Variants in PDE6B observed in about 807,000 individuals in gnomAD.
The protein encoded by PDE6B is phosphodiesterase 6B.
PDE6B carries 106 observed loss-of-function variants against 109.0 expected under a neutral mutation model. The observed-to-expected ratio is 0.97, with a 90% CI of 0.83 to 1.14. The LOEUF (loss-of-function observed/expected upper bound fraction) is 1.14. PDE6B is among the 50% of genes most tolerant of loss of function. The pLI, the probability that PDE6B is intolerant of heterozygous loss-of-function variation, is 0.00. For missense variants in PDE6B, 1,193 were observed against 1,155.6 expected (o/e 1.03, Z -0.47); for synonymous variants, 490 against 471.3 (o/e 1.04, Z -0.51).
chr4:664,813 A>T (rs761600023), intron 17 of PDE6B, 68 bp from the exon 18 acceptor site: 1 of 1,246,254 alleles, frequency 8.0e-7, no homozygotes. Context: ...CTCAAAAAAG[A>T]AAACACATAT....
In PDE6B at chr4:636,657, C is replaced by T. The variant is rs755452182; in HGVS notation, c.711+688C>T. On this transcript the variant is annotated intron_variant, in intron 3 of 21. Transcript: ENST00000496514. The surrounding 1 kb of genome is among the most constrained non-coding windows in gnomAD (Gnocchi z 4.5). ...GAGCCACAAAGGAGAACTGTGAAGA[C>T]GGCGGTCACCTCCTGCCTTCTCCGT... 6.6e-5 allele frequency among the ~76,000 whole-genome samples: 10 copies of T among 152,150 alleles called. No homozygotes were observed. The highest frequency in any genetic ancestry group is 9.7e-5 in the African/African-American group (4 of 41,438).
Position 626,235 on chromosome 4 carries a change from G to A in PDE6B, c.468+141G>A, listed in dbSNP as rs906729432. 8.0e-6 allele frequency: 5 copies of A among 627,896 alleles called. No individual in the cohort carries two copies. Among genetic ancestry groups the A allele is most frequent in the Admixed American group, 2.7e-5 (1 of 36,436 alleles). The allele number at this position is 627,896 out of a possible 1,614,324, so 38.9% of individuals were successfully genotyped here. On this transcript the variant is annotated intron_variant, in intron 1 of 21. Transcript: ENST00000496514. The surrounding 1 kb of genome is among the most constrained non-coding windows in gnomAD (Gnocchi z 4.6). ...AGGCTAGTTCTGTGCTGAGGAGCAA[G>A]TACCTAGAGCCCCCTCCCGGCACTG...
intron 17 of PDE6B, 59 bp downstream of exon 17, chr4:664,280 A>G: frequency 1.0e-6 from 1 of 953,754 alleles, no homozygotes; most frequent in Non-Finnish European, 1.7e-6. Flanking sequence ...GGGCCCACTC[A>G]CCAGCTGGTT....
At chr4:634,639 GC>G (rs1177805210) in intron 1 of PDE6B, 37 bp from the exon 2 acceptor site, 1 of 1,582,554 alleles carries the variant, frequency 6.3e-7, no homozygotes, top group South Asian at 1.1e-5. Context: ...GGCCCACGGT[GC>G]GACAGCCTCT....
rs1560137398 is a variant in PDE6B at position 665,187 on chromosome 4, C to CGGGGCG, written c.2194-65_2194-60dup. 6 of 1,189,866 alleles carry CGGGGCG rather than the reference C, an allele frequency of 5.0e-6. No individual in the cohort carries two copies. The highest frequency in any genetic ancestry group is 1.3e-5 in the South Asian group (1 of 78,474). The allele number at this position is 1,189,866 out of a possible 1,614,324, so 73.7% of individuals were successfully genotyped here. ...GAGAAGACCGAGGCTCGGAGCCTCA[C>CGGGGCG]GGGGCGGGCCCGGGCCCTTCCGCGT... On this transcript the variant is annotated intron_variant, in intron 18 of 21. Coordinates refer to ENST00000496514, the MANE Select transcript of PDE6B (RefSeq NM_000283.4). This position sits in a 1 kb window ranked among gnomAD's most constrained non-coding sequence, Gnocchi z 4.0.
chr4:657,284 C>A, intron 9 of PDE6B, 67 bp from the exon 10 acceptor site: 1 of 1,582,258 alleles, frequency 6.3e-7, no homozygotes, highest in Non-Finnish European at 8.7e-7. Context: ...CGGGGCCTGG[C>A]ACACAGGCAC....
chr4:669,716 C>G (rs1248929365), intron 21 of PDE6B, among the ~76,000 whole-genome samples: 3 of 137,482 alleles, frequency 2.2e-5, no homozygotes, highest in Non-Finnish European at 4.6e-5. Flanking sequence ...CATGCTATTC[C>G]CGCTACCCCA....
chr4:653,092 A>C (rs1212810810), intron 3 of PDE6B: 4 of 791,134 alleles, frequency 5.1e-6, no homozygotes, highest in Middle Eastern at 6.4e-4. Context: ...TGGCAACAGG[A>C]GAGCCTGGTC....
rs576895229 is a variant in PDE6B at position 664,949 on chromosome 4, G to C, written c.2193+5G>C. On this transcript the variant is annotated splice_donor_5th_base_variant and intron_variant, in intron 18 of 21. Coordinates refer to ENST00000496514, the MANE Select transcript of PDE6B (RefSeq NM_000283.4). ...CCCTGGGAAGTCCAGAGCAAGGTTAGAACAGAGGGCCCTCCAGACCCAGAG... is the reference window on the plus strand; with the variant it reads ...CCCTGGGAAGTCCAGAGCAAGGTTACAACAGAGGGCCCTCCAGACCCAGAG... 6.2e-7 allele frequency: 1 copy of C among 1,609,578 alleles called. No individual in the cohort carries two copies. The highest frequency in any genetic ancestry group is 8.5e-7 in the Non-Finnish European group (1 of 1,176,804).
intron 17 of PDE6B, 32 bp downstream of exon 17, chr4:664,253 C>A (rs769346307): frequency 1.6e-6 from 2 of 1,219,996 alleles, no homozygotes; most frequent in Non-Finnish European, 2.4e-6. Context: ...ACGAGGGGTC[C>A]TTCCCTCGCA....
intron 3 of PDE6B, among the ~76,000 whole-genome samples, chr4:642,461 A>G (rs530167260): frequency 6.6e-6 from 1 of 151,310 alleles, no homozygotes; most frequent in East Asian, 1.9e-4. Flanking sequence ...GGGCAACAAG[A>G]GTAAACTCCG....
intron 12 of PDE6B, 29 bp downstream of exon 12, chr4:660,642 G>A (rs755860409): frequency 1.9e-6 from 3 of 1,608,722 alleles, no homozygotes; most frequent in South Asian, 2.2e-5. Context: ...CGCATAGTCA[G>A]GTCCCTGAGG....
chr4:639,537 G>C (rs2109144624), intron 3 of PDE6B, among the ~76,000 whole-genome samples: 1 of 152,312 alleles, frequency 6.6e-6, no homozygotes, highest in Non-Finnish European at 1.5e-5. Flanking sequence ...GAGAAGTGGG[G>C]AGCCCAGGCT....
intron 1 of PDE6B, among the ~76,000 whole-genome samples, 200 bp from the exon 2 acceptor site, chr4:634,477 T>C (rs1258319141): frequency 1.3e-5 from 2 of 151,916 alleles, no homozygotes; most frequent in East Asian, 3.9e-4. Context: ...CGCACAGGGG[T>C]GCATGGAGCC....
At chr4:654,707 G>A (rs963974085) in intron 5 of PDE6B, 117 bp from the exon 6 acceptor site, 14 of 784,388 alleles carry the variant, frequency 1.8e-5, no homozygotes, top group Admixed American at 1.0e-4. Context: ...GCACGGTTAC[G>A]TGTGTGGGGG....
At position 660,589 on chromosome 4, in the gene PDE6B, C is replaced by T. The variant is rs202244041; in HGVS notation, c.1590C>T (p.Val530=). Residue 530 remains valine, a synonymous_variant, in exon 12 of 22, where the codon GTC becomes GTT. Transcript: ENST00000496514. The stretch of plus-strand genomic sequence containing the variant: ...AGATGTACTACGAGCTGGGCGTGGT[C>T]CGAAAGTTCCAGATCCCCCAGGAGG... ...GIQMYYELGV[V]RKFQIPQEVL... The T allele has an allele frequency of 2.2e-5, 35 of 1,613,686 alleles. 1 individual carries two copies. The East Asian group carries it at 4.5e-4, about 21-fold the overall frequency.
At chr4:652,422 A>C in intron 3 of PDE6B, 2 of 786,886 alleles carry the variant, frequency 2.5e-6, no homozygotes, top group South Asian at 1.2e-4. Context: ...CCGGGGCAGG[A>C]AGAGAGATAG....
intron 17 of PDE6B, 23 bp downstream of exon 17, chr4:664,244 C>G (rs746996070): frequency 6.1e-6 from 8 of 1,302,992 alleles, no homozygotes; most frequent in Admixed American, 3.4e-5. Context: ...GGAGGGGGCA[C>G]GAGGGGTCCT....
chr4:662,651 C>T lies in PDE6B; in HGVS notation c.1832+33C>T. ...CCTCAGGGCGGGCATGTGAATTAGC[C>T]CTAAATCAACTCCACGCCCTTGGCG... On this transcript the variant is annotated intron_variant, in intron 14 of 21. Transcript: ENST00000496514. This position sits in a 1 kb window ranked among gnomAD's most constrained non-coding sequence, Gnocchi z 4.3. The T allele has an allele frequency of 7.8e-7, 1 of 1,278,010 alleles. No individual in the cohort carries two copies. The highest frequency in any genetic ancestry group is 1.1e-6 in the Non-Finnish European group (1 of 873,804). The allele number at this position is 1,278,010 out of a possible 1,614,324, so 79.2% of individuals were successfully genotyped here.
Sources: allele counts gnomAD v4.1 joint callset (sites outside exome capture counted in the v4.1 genomes callset), GRCh38; gene constraint gnomAD v4.1.1; non-coding constraint Gnocchi (gnomAD v3.1); transcripts MANE v1.5; gene names NCBI Gene and HGNC (gene_info 2026-07-23, HGNC 2026-07-21).